The following ANKDD1B variants were observed in gnomAD, a reference collection of about 807,000 sequenced individuals.
The protein encoded by ANKDD1B is ankyrin repeat and death domain containing 1B, also known as ankyrin repeat and death domain-containing protein 1B.
Under a neutral mutation model 59.7 loss-of-function variants are expected in ANKDD1B, and 57 were observed. The observed-to-expected ratio is 0.95, with a 90% CI of 0.77 to 1.19. The LOEUF is 1.19. ANKDD1B is among the 50% of genes most tolerant of loss of function. ANKDD1B has a pLI of 0.00. For missense variants in ANKDD1B, 602 were observed against 641.9 expected (o/e 0.94, Z 0.67); for synonymous variants, 216 against 239.5 (o/e 0.90, Z 0.91).
intron 5 of ANKDD1B, among the ~76,000 whole-genome samples, chr5:75,631,997 C>T (rs1774174103): frequency 6.6e-6 from 1 of 151,128 alleles, no homozygotes; most frequent in Non-Finnish European, 1.5e-5. Flanking sequence ...ATCCCAGTTA[C>T]TTAGGAGGCT....
chr5:75,627,215 T>G (rs1455615203), intron 5 of ANKDD1B, among the ~76,000 whole-genome samples: 1 of 152,198 alleles, frequency 6.6e-6, no homozygotes, highest in Non-Finnish European at 1.5e-5. Flanking sequence ...TTTCTCCATC[T>G]ATACAATGGA....
At position 75,669,273 on chromosome 5, in the gene ANKDD1B, A is replaced by G; in HGVS notation, c.1415A>G (p.His472Arg). 1 of 1,232,148 alleles carries G rather than the reference A, an allele frequency of 8.1e-7. No individual in the cohort carries two copies. Among genetic ancestry groups the G allele is most frequent in the Non-Finnish European group, 1.0e-6 (1 of 987,968 alleles). The allele number at this position is 1,232,148 out of a possible 1,614,324, so 76.3% of individuals were successfully genotyped here. A position where few individuals can be genotyped will look rare whatever the true frequency, so the allele number is the denominator to read the frequency against. The change falls in exon 13 of 14, where the codon CAT becomes CGT. Residue 472 changes from histidine (H) to arginine (R), a missense_variant. His to Arg is a conservative substitution (Grantham distance 29). Coordinates refer to ENST00000601380, the MANE Select transcript of ANKDD1B (RefSeq NM_001276713.2). ...QWSGNESFREHGHRALLIWLH... is the reference protein window; with the variant it reads ...QWSGNESFRERGHRALLIWLH... ...ACAGGAAATGAAAGCTTCCGTGAAC[A>G]TGGCCACAGGGCTCTGCTTATCTGG...
chr5:75,662,126 A>G (rs1389758530), intron 10 of ANKDD1B, among the ~76,000 whole-genome samples: 1 of 152,102 alleles, frequency 6.6e-6, no homozygotes, highest in African/African-American at 2.4e-5. Flanking sequence ...TCACTCCAGC[A>G]TATATTCCTT....
intron 8 of ANKDD1B, among the ~76,000 whole-genome samples, chr5:75,654,265 C>T (rs981191089): frequency 2.0e-4 from 30 of 152,166 alleles, no homozygotes; most frequent in Non-Finnish European, 1.9e-4. Flanking sequence ...CTACCCCCAT[C>T]TCCTGAGACA....
At chr5:75,612,237 A>G (rs1773581572) in intron 1 of ANKDD1B, among the ~76,000 whole-genome samples, 1 of 152,020 alleles carries the variant, frequency 6.6e-6, no homozygotes, top group Admixed American at 6.6e-5. Context: ...TGGATCATCT[A>G]TGCCTTGGGA....
At chr5:75,667,261 C>T (rs1364016281) in intron 12 of ANKDD1B, among the ~76,000 whole-genome samples, 1 of 152,138 alleles carries the variant, frequency 6.6e-6, no homozygotes. Context: ...GTGCATTTAG[C>T]CTAGAGAGAC....
At position 75,645,718 on chromosome 5, in the gene ANKDD1B, A is replaced by T. The variant is rs1483906658; in HGVS notation, c.799-7424A>T. Among the ~76,000 whole-genome samples, 2 of 21,716 alleles carry T rather than the reference A, an allele frequency of 9.2e-5. 1 individual carries two copies. Among genetic ancestry groups the T allele is most frequent in the Non-Finnish European group, 1.4e-4 (2 of 14,116 alleles). 14.2% of individuals were successfully genotyped at this position (21,716 alleles called of 152,430 possible). ...CTTCTGAAACTATTCCAATCAATAG[A>T]AAAAGAGGGAATCCTCCCTAACTCA... On this transcript the variant is annotated intron_variant, in intron 7 of 13. Transcript: ENST00000601380.
intron 5 of ANKDD1B, 102 bp downstream of exon 5, chr5:75,626,057 C>G (rs1402090831): frequency 3.6e-6 from 3 of 836,204 alleles, no homozygotes; most frequent in Non-Finnish European, 5.7e-6. Context: ...ACAGACAGAC[C>G]CGGCCCTGTA....
chr5:75,625,973 G>A lies in ANKDD1B; in HGVS notation c.600+18G>A, dbSNP rs547853753. 2.0e-4 allele frequency: 299 copies of A among 1,508,258 alleles called. No individual in the cohort carries two copies. The African/African-American group carries it at 3.8e-3, about 19-fold the overall frequency. The allele number at this position is 1,508,258 out of a possible 1,614,324, so 93.4% of individuals were successfully genotyped here. Reference sequence around the variant, plus strand: ...CTGATGAGGTGTGTTCACTTTGGTTGTGTAGGTCTTGCATACACCCCTATC... The same window carrying A: ...CTGATGAGGTGTGTTCACTTTGGTTATGTAGGTCTTGCATACACCCCTATC... On this transcript the variant is annotated intron_variant, in intron 5 of 13. Transcript: ENST00000601380.
At chr5:75,612,697 A>G (rs1349632919) in intron 1 of ANKDD1B, among the ~76,000 whole-genome samples, 1 of 152,144 alleles carries the variant, frequency 6.6e-6, no homozygotes, top group Non-Finnish European at 1.5e-5. Flanking sequence ...GATAGACAAT[A>G]AAATAAGTAC....
intron 1 of ANKDD1B, among the ~76,000 whole-genome samples, chr5:75,614,513 G>C (rs1170057742): frequency 6.6e-6 from 1 of 152,200 alleles, no homozygotes; most frequent in East Asian, 1.9e-4. Flanking sequence ...AAATGTGAGA[G>C]ACCCAGGGAG....
At chr5:75,626,038 G>T in intron 5 of ANKDD1B, 83 bp downstream of exon 5, 2 of 1,043,264 alleles carry the variant, frequency 1.9e-6, no homozygotes, top group Non-Finnish European at 2.8e-6. Flanking sequence ...AGCTGTGAAA[G>T]CAGCCAGCAC....
chr5:75,618,141 G>C (rs1464316719), intron 2 of ANKDD1B, among the ~76,000 whole-genome samples: 1 of 151,962 alleles, frequency 6.6e-6, no homozygotes, highest in African/African-American at 2.4e-5. Flanking sequence ...AGAAAGGAAG[G>C]AAAGGCAGAA....
intron 12 of ANKDD1B, among the ~76,000 whole-genome samples, chr5:75,667,796 G>T (rs1279360988): frequency 1.3e-5 from 2 of 152,196 alleles, no homozygotes; most frequent in South Asian, 2.1e-4. Flanking sequence ...AGACGAGAAG[G>T]TGTCCTTGCT....
chr5:75,639,097 T>C (rs886664661), intron 7 of ANKDD1B, among the ~76,000 whole-genome samples: 1 of 152,244 alleles, frequency 6.6e-6, no homozygotes. Context: ...TTACACTTTA[T>C]TTTAATAAAT....
intron 7 of ANKDD1B, among the ~76,000 whole-genome samples, chr5:75,638,180 T>G (rs957310744): frequency 6.6e-6 from 1 of 152,226 alleles, no homozygotes; most frequent in Non-Finnish European, 1.5e-5. Context: ...TTCCCTGTTC[T>G]ATTAAAACAT....
At chr5:75,648,995 T>C (rs1160586769) in intron 7 of ANKDD1B, among the ~76,000 whole-genome samples, 1 of 152,146 alleles carries the variant, frequency 6.6e-6, no homozygotes, top group Non-Finnish European at 1.5e-5. Flanking sequence ...ATGAATGTAG[T>C]TGACACCTGG....
At position 75,644,743 on chromosome 5, in the gene ANKDD1B, C is replaced by T. The variant is rs1227535758; in HGVS notation, c.799-8399C>T. Among the ~76,000 whole-genome samples the T allele has an allele frequency of 1.2e-4, 8 of 66,304 alleles. No individual in the cohort carries two copies. The East Asian group carries it at 2.4e-3, about 20-fold the overall frequency. 43.5% of individuals were successfully genotyped at this position (66,304 alleles called of 152,430 possible). ...GAATTGAACTCAGCTCTGCACCAAG[C>T]GGACCTAATAGACATCTACAGAACT... On this transcript the variant is annotated intron_variant, in intron 7 of 13. Coordinates refer to ENST00000601380, the MANE Select transcript of ANKDD1B (RefSeq NM_001276713.2).
At chr5:75,651,687 G>T (rs1328849171) in intron 7 of ANKDD1B, among the ~76,000 whole-genome samples, 15 of 152,214 alleles carry the variant, frequency 9.9e-5, no homozygotes, top group Admixed American at 7.2e-4. Flanking sequence ...GAGAAGACCT[G>T]GTTCTAGTCC....
Sources: gnomAD v4.1 joint callset for allele counts (sites outside exome capture counted in the v4.1 genomes callset) on GRCh38, gnomAD v4.1.1 for gene constraint, MANE v1.5 for transcripts, NCBI Gene and HGNC (gene_info 2026-07-23, HGNC 2026-07-21) for gene names.